Variants in INPP4A observed in about 807,000 individuals in gnomAD.
The protein encoded by INPP4A is inositol polyphosphate-4-phosphatase type I A.
INPP4A carries 33 observed loss-of-function variants against 119.8 expected under a neutral mutation model. The observed-to-expected ratio is 0.28, with a 90% CI of 0.21 to 0.37. The LOEUF (loss-of-function observed/expected upper bound fraction) is 0.37. Ranked by LOEUF, INPP4A falls within the 10% of genes least tolerant of loss-of-function variation. INPP4A has a pLI of 1.00. For missense variants in INPP4A, 956 were observed against 1,289.9 expected (o/e 0.74, Z 3.97); for synonymous variants, 496 against 500.7 (o/e 0.99, Z 0.12).
At chr2:98,511,514 G>A (rs1685115986) in intron 1 of INPP4A, among the ~76,000 whole-genome samples, 1 of 152,182 alleles carries the variant, frequency 6.6e-6, no homozygotes, top group Non-Finnish European at 1.5e-5. Flanking sequence ...GGAGGTGGGA[G>A]AGGGCTGGGC....
rs1207446226 is a variant in INPP4A, at chr2:98,565,641, G to A, written c.2154G>A (p.Gly718=). 4 of 1,606,854 alleles carry A rather than the reference G, an allele frequency of 2.5e-6. No individual in the cohort carries two copies. The highest frequency in any genetic ancestry group is 3.4e-5 in the Admixed American group (2 of 59,700). Reference sequence around the variant, plus strand: ...GCCCTGCCCCTCTCTCATGTCCAGGGGAGGAGCTGGCAATGCTGGAGGACA... The same window carrying A: ...GCCCTGCCCCTCTCTCATGTCCAGGAGAGGAGCTGGCAATGCTGGAGGACA... The part of the protein sequence containing the change: ...AQFESLLSTY[G]EELAMLEDMS... The change falls in exon 20 of 25, where the codon GGG becomes GGA. Residue 718 remains glycine (G), a splice_region_variant and synonymous_variant. Transcript: ENST00000409851.
At chr2:98,519,856 G>T in intron 2 of INPP4A, 90 bp from the exon 3 acceptor site, 1 of 576,856 alleles carries the variant, frequency 1.7e-6, no homozygotes, top group Non-Finnish European at 3.2e-6. Flanking sequence ...ACTGTACCTC[G>T]CCCCCGGTAG....
chr2:98,452,436 G>A (rs1695390699), intron 1 of INPP4A, among the ~76,000 whole-genome samples: 1 of 152,216 alleles, frequency 6.6e-6, no homozygotes, highest in African/African-American at 2.4e-5. Context: ...TCTGATGCAA[G>A]GTCACATTGG....
intron 20 of INPP4A, 125 bp downstream of exon 20, chr2:98,565,891 C>A: frequency 6.6e-7 from 1 of 1,506,032 alleles, no homozygotes; most frequent in South Asian, 1.2e-5. Flanking sequence ...TTACAGCCCC[C>A]TAGGTTAGTG....
chr2:98,516,648 C>T (rs896610352), intron 1 of INPP4A, among the ~76,000 whole-genome samples: 2 of 152,274 alleles, frequency 1.3e-5, no homozygotes, highest in Admixed American at 1.3e-4. Context: ...CAATGGAATG[C>T]TTTAGACACA....
At chr2:98,451,607 T>C (rs1695237872) in intron 1 of INPP4A, among the ~76,000 whole-genome samples, 1 of 152,174 alleles carries the variant, frequency 6.6e-6, no homozygotes, top group African/African-American at 2.4e-5. Context: ...GAAAACCCCC[T>C]GCCCCTTTCC....
intron 16 of INPP4A, among the ~76,000 whole-genome samples, chr2:98,556,951 T>G (rs1694602028): frequency 6.6e-6 from 1 of 152,264 alleles, no homozygotes; most frequent in African/African-American, 2.4e-5. Context: ...GTTCTCTTTT[T>G]TATGTGAATC....
chr2:98,524,489 C>G (rs547136727), intron 4 of INPP4A, among the ~76,000 whole-genome samples: 1 of 152,108 alleles, frequency 6.6e-6, no homozygotes, highest in Non-Finnish European at 1.5e-5. Flanking sequence ...GTCCCTTGTA[C>G]GAAGGCATGT....
At chr2:98,544,933 G>A (rs1271665604) in intron 11 of INPP4A, among the ~76,000 whole-genome samples, 1 of 152,220 alleles carries the variant, frequency 6.6e-6, no homozygotes, top group Non-Finnish European at 1.5e-5. Context: ...GGAACCAAGG[G>A]ACTCACCCAT....
chr2:98,462,085 G>A (rs1283490490), intron 1 of INPP4A, among the ~76,000 whole-genome samples: 1 of 152,244 alleles, frequency 6.6e-6, no homozygotes, highest in Non-Finnish European at 1.5e-5. Context: ...GACCTGGCCT[G>A]TAGGGTTTTC....
intron 1 of INPP4A, among the ~76,000 whole-genome samples, chr2:98,462,396 C>T (rs966725089): frequency 8.6e-5 from 13 of 151,960 alleles, no homozygotes; most frequent in Non-Finnish European, 1.5e-4. Flanking sequence ...TGCAGTGAGC[C>T]GAGATCGTGC....
chr2:98,459,937 G>C (rs1207602455), intron 1 of INPP4A, among the ~76,000 whole-genome samples: 1 of 152,190 alleles, frequency 6.6e-6, no homozygotes, highest in Non-Finnish European at 1.5e-5. Flanking sequence ...TAAGTTCTCA[G>C]GGAGAAACCA....
At chr2:98,531,725 A>G (rs1301875400) in intron 4 of INPP4A, among the ~76,000 whole-genome samples, 2 of 152,224 alleles carry the variant, frequency 1.3e-5, no homozygotes, top group African/African-American at 4.8e-5. Context: ...TACTTAGAGA[A>G]CATTTCCTTC....
At chr2:98,556,389 A>G (rs1280157524) in intron 16 of INPP4A, among the ~76,000 whole-genome samples, 4 of 152,216 alleles carry the variant, frequency 2.6e-5, no homozygotes, top group Admixed American at 2.6e-4. Context: ...GTGGTTTGGC[A>G]GGACCCTTCA....
At chr2:98,521,403 AGGT>A (rs1687170929) in intron 4 of INPP4A, 1 of 152,260 alleles carries the variant, frequency 6.6e-6, no homozygotes. Context: ...AATGTCCAAG[AGGT>A]GGTGTGACAT....
chr2:98,497,611 G>T (rs1233300213), intron 1 of INPP4A, among the ~76,000 whole-genome samples: 1 of 152,272 alleles, frequency 6.6e-6, no homozygotes, highest in Non-Finnish European at 1.5e-5. Flanking sequence ...GTTTTCTGCA[G>T]TTGAGTTGTT....
At chr2:98,542,231 C>T (rs1225413367) in intron 10 of INPP4A, among the ~76,000 whole-genome samples, 4 of 152,368 alleles carry the variant, frequency 2.6e-5, no homozygotes, top group Non-Finnish European at 4.4e-5. Flanking sequence ...GTGCTCAGAG[C>T]GGCCTGAGGC....
chr2:98,548,974 GT>G, intron 13 of INPP4A: 1 of 1,611,932 alleles, frequency 6.2e-7, no homozygotes, highest in Non-Finnish European at 8.5e-7. Flanking sequence ...GTGTTGGTGA[GT>G]TTTCTGTCTG....
intron 1 of INPP4A, among the ~76,000 whole-genome samples, chr2:98,471,523 T>A (rs1226089567): frequency 5.3e-5 from 8 of 152,170 alleles, no homozygotes; most frequent in Non-Finnish European, 8.8e-5. Context: ...TGGATGGAAG[T>A]AAGGTTGCTT....
Sources: gnomAD v4.1 joint callset for allele counts (sites outside exome capture counted in the v4.1 genomes callset) on GRCh38, gnomAD v4.1.1 for gene constraint, MANE v1.5 for transcripts, NCBI Gene and HGNC (gene_info 2026-07-23, HGNC 2026-07-21) for gene names.